The following ACO1 variants were observed in gnomAD, a reference collection of about 807,000 sequenced individuals.
The protein encoded by ACO1 is cytoplasmic aconitate hydratase.
Under a neutral mutation model 105.1 loss-of-function variants are expected in ACO1, and 78 were observed. That is an observed-to-expected ratio of 0.74 (90% CI 0.62 to 0.90). The LOEUF (loss-of-function observed/expected upper bound fraction) is 0.90. ACO1 is among the 40% of genes least tolerant of loss of function. The pLI, the probability that ACO1 is intolerant of heterozygous loss-of-function variation, is 0.00. For missense variants in ACO1, 965 were observed against 1,111.1 expected (o/e 0.87, Z 1.87); for synonymous variants, 364 against 397.4 (o/e 0.92, Z 1.00).
intron 4 of ACO1, among the ~76,000 whole-genome samples, chr9:32,416,388 C>T (rs10970969): frequency 0.29 from 44,068 of 152,060 alleles, 7,428 homozygotes; most frequent in South Asian, 0.48. Flanking sequence ...CTACTGTGCC[C>T]GGCTCCAGAT....
In ACO1 at chr9:32,436,263, G is replaced by T; in HGVS notation, c.2113G>T (p.Glu705Ter). The T allele has an allele frequency of 1.9e-6, 3 of 1,614,082 alleles. No homozygotes were observed. Among genetic ancestry groups the T allele is most frequent in the Non-Finnish European group, 1.7e-6 (2 of 1,179,966 alleles). The change falls in exon 18 of 21, where the codon GAA (glutamate) becomes TAA (stop). Residue 705 changes from glutamate (E) to a stop codon, truncating the protein, a stop_gained. Transcript: ENST00000309951. LOFTEE classifies it high-confidence loss of function. ...YLTNRGLTPR[E>*]FNSYGSRRGN... ...TTGCCTTCTTAGCCTAACTCCACGAGAATTCAACTCCTATGGCTCCCGCCG... is the reference window on the plus strand; with the variant it reads ...TTGCCTTCTTAGCCTAACTCCACGATAATTCAACTCCTATGGCTCCCGCCG...
Position 32,436,355 on chromosome 9 carries a change from C to T in ACO1, c.2205C>T (p.Asn735=). ...TTCGCTTGTTAAACAGATTTTTGAA[C>T]AAGCAGGCACCACAGACTATCCATC... ...ANIRLLNRFL[N]KQAPQTIHLP... is the part of the protein sequence containing the mutation. Residue 735 remains asparagine (N), a synonymous_variant, in exon 18 of 21, where the codon AAC becomes AAT. Coordinates refer to ENST00000309951, the MANE Select transcript of ACO1 (RefSeq NM_002197.3). 2 of 1,614,198 alleles carry T rather than the reference C, an allele frequency of 1.2e-6. No homozygotes were observed. Among genetic ancestry groups the T allele is most frequent in the Non-Finnish European group, 1.7e-6 (2 of 1,180,018 alleles).
chr9:32,388,260 A>T (rs940545635), intron 1 of ACO1, among the ~76,000 whole-genome samples: 1 of 152,224 alleles, frequency 6.6e-6, no homozygotes, highest in Non-Finnish European at 1.5e-5. Flanking sequence ...GGAAAGGCCC[A>T]GGCACCGTGG....
At chr9:32,385,424 A>G (rs1488664006) in intron 1 of ACO1, among the ~76,000 whole-genome samples, 1 of 152,200 alleles carries the variant, frequency 6.6e-6, no homozygotes, top group Non-Finnish European at 1.5e-5. Context: ...ACACTCTTAA[A>G]AATTAGTATC....
At chr9:32,402,102 C>T (rs1052813803) in intron 1 of ACO1, among the ~76,000 whole-genome samples, 2 of 152,296 alleles carry the variant, frequency 1.3e-5, no homozygotes, top group Admixed American at 6.5e-5. Flanking sequence ...CTGTCTTCAT[C>T]ATTCTGACAA....
At chr9:32,423,279 C>A in intron 8 of ACO1, 40 bp from the exon 9 acceptor site, 1 of 1,217,976 alleles carries the variant, frequency 8.2e-7, no homozygotes, top group Non-Finnish European at 1.2e-6. Context: ...CCAGGAAATA[C>A]TAACCTATGT....
chr9:32,442,489 G>A (rs1822503374), intron 19 of ACO1, among the ~76,000 whole-genome samples: 2 of 152,092 alleles, frequency 1.3e-5, no homozygotes, highest in South Asian at 4.1e-4. Flanking sequence ...AGTTAATGGA[G>A]TACCATCCTT....
At chr9:32,397,447 T>A (rs1821396075) in intron 1 of ACO1, among the ~76,000 whole-genome samples, 1 of 152,224 alleles carries the variant, frequency 6.6e-6, no homozygotes, top group South Asian at 2.1e-4. Flanking sequence ...AACAAAGAAT[T>A]AATGTTTCTA....
chr9:32,434,673 C>A lies in ACO1; in HGVS notation c.2071C>A (p.Pro691Thr). The A allele has an allele frequency of 1.9e-6, 3 of 1,614,090 alleles. No individual in the cohort carries two copies. Among genetic ancestry groups the A allele is most frequent in the Non-Finnish European group, 2.5e-6 (3 of 1,179,966 alleles). ...SPAGNIARNS[P>T]AARYLTNRGL... ...AGCTGGAAATATTGCAAGAAACAGTCCTGCTGCTCGCTACTTAACTAACAG... is the reference window on the plus strand; with the variant it reads ...AGCTGGAAATATTGCAAGAAACAGTACTGCTGCTCGCTACTTAACTAACAG... The change falls in exon 17 of 21, where the codon CCT becomes ACT. Residue 691 changes from proline to threonine, a missense_variant. Coordinates refer to ENST00000309951, the MANE Select transcript of ACO1 (RefSeq NM_002197.3).
chr9:32,429,378 A>G (rs1259802644), intron 12 of ACO1, 41 bp from the exon 13 acceptor site: 1 of 1,591,452 alleles, frequency 6.3e-7, no homozygotes, highest in African/African-American at 1.3e-5. Flanking sequence ...ACTGAAAGTT[A>G]TTCTTTTTTT....
intron 17 of ACO1, chr9:32,435,944 G>T: frequency 2.0e-6 from 1 of 512,424 alleles, no homozygotes; most frequent in Non-Finnish European, 3.7e-6. Context: ...AGCTTTATAG[G>T]CTACCCTACT....
intron 11 of ACO1, among the ~76,000 whole-genome samples, chr9:32,426,441 C>T (rs564620754): frequency 2.6e-5 from 4 of 152,284 alleles, no homozygotes; most frequent in African/African-American, 7.2e-5. Flanking sequence ...TGGCCTGTTT[C>T]GCAATTCTGG....
intron 7 of ACO1, 43 bp downstream of exon 7, chr9:32,419,220 T>G: frequency 4.7e-6 from 7 of 1,503,556 alleles, no homozygotes; most frequent in Non-Finnish European, 5.4e-6. Flanking sequence ...AAAGCCACAA[T>G]GATAGCTTTC....
In ACO1 at chr9:32,405,681, G is replaced by T. The variant is rs868355818; in HGVS notation, c.97+78G>T. The stretch of plus-strand genomic sequence containing the variant: ...CTATGTAATTAATTACACTTGAGGA[G>T]AGTTTGAAGAGGGAGTAGCAGAGAA... On this transcript the variant is annotated intron_variant, in intron 2 of 20. Coordinates refer to ENST00000309951, the MANE Select transcript of ACO1 (RefSeq NM_002197.3). 46 of 1,050,188 alleles carry T rather than the reference G, an allele frequency of 4.4e-5. No homozygotes were observed. In the African/African-American group the frequency reaches 7.0e-4, roughly 16 times the overall value. 65.1% of individuals were successfully genotyped at this position (1,050,188 alleles called of 1,614,324 possible).
At chr9:32,423,972 T>C (rs1367161742) in intron 9 of ACO1, among the ~76,000 whole-genome samples, 2 of 152,184 alleles carry the variant, frequency 1.3e-5, no homozygotes, top group Non-Finnish European at 1.5e-5. Context: ...ACCATCATTA[T>C]TACAGACCTA....
At chr9:32,424,711 T>C (rs764802765) in intron 10 of ACO1, 46 bp downstream of exon 10, 1 of 1,325,486 alleles carries the variant, frequency 7.5e-7, no homozygotes, top group Non-Finnish European at 1.1e-6. Context: ...CTCTACCTCT[T>C]GCCTGGTTAC....
chr9:32,390,464 G>A (rs1279786142), intron 1 of ACO1, among the ~76,000 whole-genome samples: 1 of 152,138 alleles, frequency 6.6e-6, no homozygotes, highest in African/African-American at 2.4e-5. Context: ...TTGTATTTGT[G>A]TGCTTATCTT....
intron 9 of ACO1, 120 bp downstream of exon 9, chr9:32,423,539 A>G (rs991232924): frequency 8.2e-6 from 6 of 730,966 alleles, no homozygotes; most frequent in Non-Finnish European, 1.4e-5. Context: ...GCATTACAAG[A>G]GAACGGAGTT....
chr9:32,418,196 A>C lies in ACO1; in HGVS notation c.473A>C (p.Lys158Thr). Residue 158 changes from lysine (K) to threonine (T), a missense_variant and splice_region_variant, in exon 5 of 21, where the codon AAG becomes ACG. Coordinates refer to ENST00000309951, the MANE Select transcript of ACO1 (RefSeq NM_002197.3). ...ERNRERFEFL[K>T]WGSQAFHNMR... is the part of the protein sequence containing the mutation. The stretch of plus-strand genomic sequence containing the variant: ...AATAGAGAGCGATTTGAATTTTTAA[A>C]GGTATGGGCAGGGTCTGGTTCCATT... 1 of 1,614,188 alleles carries C rather than the reference A, an allele frequency of 6.2e-7. No individual in the cohort carries two copies. The highest frequency in any genetic ancestry group is 1.1e-5 in the South Asian group (1 of 91,082).
Sources: gnomAD v4.1 joint callset for allele counts (sites outside exome capture counted in the v4.1 genomes callset) on GRCh38, gnomAD v4.1.1 for gene constraint, MANE v1.5 for transcripts, NCBI Gene and HGNC (gene_info 2026-07-23, HGNC 2026-07-21) for gene names.